Variants in RNF182 observed in about 807,000 individuals in gnomAD.
RNF182 encodes the protein E3 ubiquitin-protein ligase RNF182.
In RNF182, 15 loss-of-function variants were observed where a neutral mutation model predicts 14.4. The ratio of observed to expected loss-of-function variants is 1.04; its 90% CI spans 0.70 to 1.60. RNF182 has a LOEUF of 1.60. RNF182 is among the 40% of genes most tolerant of loss of function. The pLI is 0.00. For missense variants in RNF182, 268 were observed against 294.8 expected (o/e 0.91, Z 0.67); for synonymous variants, 128 against 122.9 (o/e 1.04, Z -0.27).
intron 1 of RNF182, among the ~76,000 whole-genome samples, chr6:13,952,222 G>A (rs916225101): frequency 2.6e-5 from 4 of 152,182 alleles, no homozygotes; most frequent in Admixed American, 1.3e-4. Context: ...TGAATCAAAA[G>A]TCTAGGCAGC....
rs1428285246 is a variant in RNF182 at position 13,978,587 on chromosome 6, T to C, written c.*724T>C. ...GTTTTCCTCTCTCCTCAGTCTTATC[T>C]GAGAAGAATGGAGGAGAAGGAACTT... On this transcript the variant is annotated 3_prime_UTR_variant, in exon 3 of 3. Coordinates refer to ENST00000488300, the MANE Select transcript of RNF182 (RefSeq NM_152737.4). The C allele has an allele frequency of 1.8e-5, 3 of 166,950 alleles. No homozygotes were observed. Among genetic ancestry groups the C allele is most frequent in the Non-Finnish European group, 4.4e-5 (3 of 68,104 alleles). 10.3% of individuals were successfully genotyped at this position (166,950 alleles called of 1,614,324 possible).
At chr6:13,969,496 C>T (rs941833918) in intron 1 of RNF182, among the ~76,000 whole-genome samples, 2 of 151,974 alleles carry the variant, frequency 1.3e-5, no homozygotes, top group Non-Finnish European at 2.9e-5. Flanking sequence ...AACACTACCC[C>T]GAAGAAGTGG....
chr6:13,974,980 A>C (rs954932931), intron 2 of RNF182, among the ~76,000 whole-genome samples: 1 of 152,196 alleles, frequency 6.6e-6, no homozygotes, highest in African/African-American at 2.4e-5. Flanking sequence ...CTGGGTGGGC[A>C]TGTAGCTGCA....
intron 1 of RNF182, among the ~76,000 whole-genome samples, chr6:13,971,955 A>G (rs548610073): frequency 6.6e-6 from 1 of 152,220 alleles, no homozygotes; most frequent in Non-Finnish European, 1.5e-5. Context: ...AAAAGCATTC[A>G]GTTTTATGTA....
At chr6:13,927,404 T>G (rs1239277202) in intron 1 of RNF182, among the ~76,000 whole-genome samples, 1 of 152,220 alleles carries the variant, frequency 6.6e-6, no homozygotes, top group Non-Finnish European at 1.5e-5. Context: ...TAGTCATCAC[T>G]CTTGCTGATT....
intron 1 of RNF182, among the ~76,000 whole-genome samples, chr6:13,960,203 G>A (rs920843069): frequency 6.6e-6 from 1 of 152,186 alleles, no homozygotes; most frequent in Non-Finnish European, 1.5e-5. Flanking sequence ...TCTGCTTTCA[G>A]GAACCTTGTC....
intron 1 of RNF182, among the ~76,000 whole-genome samples, chr6:13,957,196 T>G (rs1488099783): frequency 6.6e-6 from 1 of 152,240 alleles, no homozygotes; most frequent in Non-Finnish European, 1.5e-5. Context: ...AGTATCATTT[T>G]GTCTCATTTA....
chr6:13,945,826 G>A (rs1018090961), intron 1 of RNF182, among the ~76,000 whole-genome samples: 1 of 152,040 alleles, frequency 6.6e-6, no homozygotes, highest in Non-Finnish European at 1.5e-5. Flanking sequence ...TACCAGAAAG[G>A]GGTCCCAAAC....
intron 1 of RNF182, among the ~76,000 whole-genome samples, chr6:13,967,972 A>G (rs1426833967): frequency 6.6e-6 from 1 of 152,208 alleles, no homozygotes; most frequent in Non-Finnish European, 1.5e-5. Context: ...TGAAAGCTGT[A>G]GCCAGTGGAA....
chr6:13,955,169 C>A (rs1759695799), intron 1 of RNF182, among the ~76,000 whole-genome samples: 1 of 152,174 alleles, frequency 6.6e-6, no homozygotes, highest in South Asian at 2.1e-4. Flanking sequence ...AGTAGGAATG[C>A]AGCGTTGGAC....
At chr6:13,959,831 A>G (rs886804672) in intron 1 of RNF182, among the ~76,000 whole-genome samples, 2 of 152,122 alleles carry the variant, frequency 1.3e-5, no homozygotes, top group Admixed American at 6.5e-5. Flanking sequence ...TGTTAATACA[A>G]ATGGAGGTAC....
At chr6:13,932,876 C>A (rs993635778) in intron 1 of RNF182, among the ~76,000 whole-genome samples, 1 of 152,128 alleles carries the variant, frequency 6.6e-6, no homozygotes, top group Non-Finnish European at 1.5e-5. Context: ...TAATTCTAAA[C>A]CTTCTCTGGA....
At chr6:13,937,017 A>T (rs932807195) in intron 1 of RNF182, among the ~76,000 whole-genome samples, 18 of 152,204 alleles carry the variant, frequency 1.2e-4, no homozygotes, top group Non-Finnish European at 1.9e-4. Flanking sequence ...ACGTTAAAAT[A>T]TGTTGAGCAG....
chr6:13,977,705 T>G lies in RNF182; in HGVS notation c.586T>G (p.Ser196Ala), dbSNP rs766450570. 6.2e-7 allele frequency: 1 copy of G among 1,614,170 alleles called. No homozygotes were observed. Among genetic ancestry groups the G allele is most frequent in the Non-Finnish European group, 8.5e-7 (1 of 1,180,018 alleles). ...GTTGCTAGGTTTGCTCTACTTCAGC[T>G]CCTTACCCTTAGGAATCTACTTACT... is the stretch of plus-strand genomic sequence containing the variant. ...VWLLGLLYFS[S>A]LPLGIYLLVS... The change falls in exon 3 of 3, where the codon TCC becomes GCC. Residue 196 changes from serine to alanine, a missense_variant. By Grantham distance (99) the Ser-to-Ala change is moderately conservative. Coordinates refer to ENST00000488300, the MANE Select transcript of RNF182 (RefSeq NM_152737.4).
At chr6:13,939,220 A>T (rs75495076) in intron 1 of RNF182, among the ~76,000 whole-genome samples, 2,219 of 152,336 alleles carry the variant, frequency 0.015, 54 homozygotes, top group African/African-American at 0.05. Context: ...AAATTTTAGT[A>T]TCATCCTGTC....
Position 13,977,880 on chromosome 6 carries a change from G to A in RNF182, c.*17G>A, listed in dbSNP as rs1263517181. ...CCTTCTTAACTGATATGCAAAATAA[G>A]AAATTGGACACACATTGCCCTGTTT... On this transcript the variant is annotated 3_prime_UTR_variant, in exon 3 of 3. Transcript: ENST00000488300. 2 of 1,593,402 alleles carry A rather than the reference G, an allele frequency of 1.3e-6. No individual in the cohort carries two copies. Among genetic ancestry groups the A allele is most frequent in the Admixed American group, 3.5e-5 (2 of 56,816 alleles).
At chr6:13,942,834 T>C in intron 1 of RNF182, among the ~76,000 whole-genome samples, 1 of 152,248 alleles carries the variant, frequency 6.6e-6, no homozygotes, top group Non-Finnish European at 1.5e-5. Context: ...TAATGACCTA[T>C]GTTTCAATTC....
At chr6:13,938,319 T>C (rs1759194540) in intron 1 of RNF182, among the ~76,000 whole-genome samples, 1 of 151,742 alleles carries the variant, frequency 6.6e-6, no homozygotes, top group Admixed American at 6.6e-5. Context: ...GCCTGGCCTT[T>C]TTCTTATTGA....
chr6:13,940,974 G>A (rs1386945366), intron 1 of RNF182, among the ~76,000 whole-genome samples: 1 of 151,842 alleles, frequency 6.6e-6, no homozygotes, highest in Admixed American at 6.6e-5. Context: ...TATTCTTATG[G>A]CCTGGATATG....
Sources: allele counts gnomAD v4.1 joint callset (sites outside exome capture counted in the v4.1 genomes callset), GRCh38; gene constraint gnomAD v4.1.1; transcripts MANE v1.5; gene names NCBI Gene and HGNC (gene_info 2026-07-23, HGNC 2026-07-21).